CRYBG1: variants seen among roughly 807,000 people sequenced by gnomAD.
CRYBG1 encodes the protein beta/gamma crystallin domain-containing protein 1.
A neutral mutation model predicts 189.2 loss-of-function variants in CRYBG1; 139 were observed. The observed-to-expected ratio is 0.73, with a 90% CI of 0.64 to 0.85. CRYBG1 has a LOEUF of 0.85. CRYBG1 is among the 40% of genes least tolerant of loss of function. The probability of loss-of-function intolerance (pLI) is 0.00; values close to 1 mark genes in which losing one functional copy is unlikely to be tolerated. For synonymous variants in CRYBG1, 1,023 were observed against 1,017.1 expected, an observed-to-expected ratio of 1.01 and a Z score of -0.11; for missense variants, 2,611 against 2,675.8, an observed-to-expected ratio of 0.98 and a Z score of 0.53.
intron 1 of CRYBG1, among the ~76,000 whole-genome samples, chr6:106,414,528 C>T (rs1770986980): frequency 1.3e-5 from 2 of 152,224 alleles, no homozygotes; most frequent in Admixed American, 1.3e-4. Context: ...TGTCCACCTT[C>T]TGTTTGAGAG....
chr6:106,441,831 A>G (rs1771572634), intron 1 of CRYBG1, among the ~76,000 whole-genome samples: 1 of 152,216 alleles, frequency 6.6e-6, no homozygotes, highest in African/African-American at 2.4e-5. Flanking sequence ...TGACAGTTAT[A>G]AAAATTAATG....
intron 8 of CRYBG1, among the ~76,000 whole-genome samples, chr6:106,531,506 C>G (rs2114556751): frequency 6.6e-6 from 1 of 152,214 alleles, no homozygotes; most frequent in East Asian, 1.9e-4. Flanking sequence ...ATGGTTAATA[C>G]AGTTAAAATG....
chr6:106,517,473 C>CATAT (rs982374335), intron 3 of CRYBG1, among the ~76,000 whole-genome samples: 1 of 145,550 alleles, frequency 6.9e-6, no homozygotes, highest in African/African-American at 2.5e-5. Context: ...TACACACACA[C>CATAT]ATATATATAT....
intron 21 of CRYBG1, among the ~76,000 whole-genome samples, chr6:106,566,464 CTTTTTTTTTTT>C (rs34773477): frequency 5.6e-5 from 4 of 71,650 alleles, no homozygotes; most frequent in Non-Finnish European, 6.9e-5. Flanking sequence ...CAACAACAGT[CTTTTTTTTTTT>C]TTTTTTTTTT....
chr6:106,512,075 T>TGTGC lies in CRYBG1; in HGVS notation c.959_962dup (p.Glu322CysfsTer21), dbSNP rs1212045315. 6.5e-7 allele frequency: 1 copy of TGTGC among 1,534,262 alleles called. No homozygotes were observed. The highest frequency in any genetic ancestry group is 8.7e-7 in the Non-Finnish European group (1 of 1,146,198). ...GGCCCCTAACGGAGCCCCCAGTGTG[T>TGTGC]GTGCCGAAGAAGGCTCCCTGGGGCC... On this transcript the variant is annotated frameshift_variant, in exon 3 of 22. Coordinates refer to ENST00000633556, the MANE Select transcript of CRYBG1 (RefSeq NM_001371242.2). LOFTEE classifies it high-confidence loss of function.
intron 15 of CRYBG1, among the ~76,000 whole-genome samples, chr6:106,552,582 CAAAAAAAAAAAAAA>C (rs58470981): frequency 6.8e-4 from 46 of 67,626 alleles, no homozygotes; most frequent in East Asian, 1.8e-3. Flanking sequence ...GACTCTGTCT[CAAAAAAAAAAAAAA>C]AAAAAAAAAA....
At chr6:106,426,741 G>A (rs1346288978) in intron 1 of CRYBG1, among the ~76,000 whole-genome samples, 1 of 152,182 alleles carries the variant, frequency 6.6e-6, no homozygotes, top group Non-Finnish European at 1.5e-5. Flanking sequence ...GAGGAAGAAT[G>A]CACCAGGCAT....
intron 1 of CRYBG1, among the ~76,000 whole-genome samples, chr6:106,430,813 T>G (rs190383318): frequency 7.4e-4 from 112 of 152,232 alleles, no homozygotes; most frequent in African/African-American, 2.6e-3. Context: ...TGCTTCAACA[T>G]GAAGAGCAGC....
intron 1 of CRYBG1, among the ~76,000 whole-genome samples, chr6:106,413,191 A>C (rs1245172795): frequency 6.6e-6 from 1 of 152,160 alleles, no homozygotes; most frequent in Non-Finnish European, 1.5e-5. Context: ...TTTGGGTTAC[A>C]TGTCTGTGCT....
intron 9 of CRYBG1, 129 bp downstream of exon 9, chr6:106,539,658 C>T: frequency 1.0e-6 from 1 of 958,100 alleles, no homozygotes; most frequent in East Asian, 2.9e-5. Context: ...GGACCTATTG[C>T]TCAATAGAAA....
chr6:106,522,397 C>T (rs1773631245), intron 4 of CRYBG1, among the ~76,000 whole-genome samples: 1 of 152,132 alleles, frequency 6.6e-6, no homozygotes, highest in Non-Finnish European at 1.5e-5. Context: ...TTTTGGTTTT[C>T]ATTGGATCTT....
At chr6:106,389,631 C>T (rs1055197522) in intron 1 of CRYBG1, among the ~76,000 whole-genome samples, 10 of 152,020 alleles carry the variant, frequency 6.6e-5, no homozygotes, top group Non-Finnish European at 1.5e-4. Flanking sequence ...ACCTCTGTCT[C>T]ACAGATGAAG....
intron 1 of CRYBG1, among the ~76,000 whole-genome samples, chr6:106,376,225 A>G (rs1770161204): frequency 6.6e-6 from 1 of 152,162 alleles, no homozygotes; most frequent in Non-Finnish European, 1.5e-5. Context: ...TGGCTTTTGT[A>G]TCTCGTTTTG....
At chr6:106,553,139 T>A (rs1337743196) in intron 15 of CRYBG1, among the ~76,000 whole-genome samples, 1 of 152,228 alleles carries the variant, frequency 6.6e-6, no homozygotes, top group Non-Finnish European at 1.5e-5. Flanking sequence ...TCAGAACTGA[T>A]GAACAATGAT....
intron 2 of CRYBG1, among the ~76,000 whole-genome samples, chr6:106,500,179 G>A (rs1412651975): frequency 6.6e-6 from 1 of 152,130 alleles, no homozygotes. Flanking sequence ...TTTTGGGTAT[G>A]TACCCAGAAG....
At position 106,519,433 on chromosome 6, in the gene CRYBG1, T is replaced by G; in HGVS notation, c.2225T>G (p.Val742Gly). 6.2e-7 allele frequency: 1 copy of G among 1,614,016 alleles called. No individual in the cohort carries two copies. Among genetic ancestry groups the G allele is most frequent in the Non-Finnish European group, 8.5e-7 (1 of 1,180,022 alleles). Residue 742 changes from valine to glycine, a missense_variant, in exon 4 of 22, where the codon GTG (valine) becomes GGG (glycine). Val to Gly is a moderately radical substitution (Grantham distance 109). Coordinates refer to ENST00000633556, the MANE Select transcript of CRYBG1 (RefSeq NM_001371242.2). ...ATGCCAAACAGTCCCCAGAATGGTG[T>G]GCTGGTTAAGGAAACTGCTATAGAA... is the stretch of plus-strand genomic sequence containing the variant. Reference protein sequence around the residue: ...KVMPNSPQNGVLVKETAIETK... With the variant: ...KVMPNSPQNGGLVKETAIETK...
At chr6:106,488,743 T>G (rs994189662) in intron 2 of CRYBG1, among the ~76,000 whole-genome samples, 1 of 152,152 alleles carries the variant, frequency 6.6e-6, no homozygotes, top group Non-Finnish European at 1.5e-5. Flanking sequence ...AGGTGCCTCA[T>G]GAATTTTGGC....
Position 106,560,912 on chromosome 6 carries a change from C to T in CRYBG1, c.5965C>T (p.Arg1989Ter), listed in dbSNP as rs764916299. 1.3e-5 allele frequency: 21 copies of T among 1,608,040 alleles called. No homozygotes were observed. The highest frequency in any genetic ancestry group is 4.0e-5 in the African/African-American group (3 of 74,666). The change falls in exon 19 of 22, where the codon CGA becomes TGA. Residue 1989 changes from arginine (R) to a stop codon, truncating the protein, a stop_gained. Coordinates refer to ENST00000633556, the MANE Select transcript of CRYBG1 (RefSeq NM_001371242.2). LOFTEE classifies it high-confidence loss of function. ...TGGCTGTCGCCAAATAGGTTCTCTA[C>T]GACCTTTTGTTCAGGTATTTTCTTC... is the stretch of plus-strand genomic sequence containing the variant. ...FSGCRQIGSL[R>*]PFVQKRIYFR...
Position 106,512,906 on chromosome 6 carries a change from G to A in CRYBG1, c.1789G>A (p.Gly597Ser), listed in dbSNP as rs1301234501. ...KRGPLPNHFN[G>S]RAEGGRSREL... is the part of the protein sequence containing the mutation. ...GGGCCCGCTCCCCAACCACTTCAAC[G>A]GCCGGGCAGAGGGAGGTCGAAGCAG... Residue 597 changes from glycine to serine, a missense_variant, in exon 3 of 22, where the codon GGC becomes AGC. Gly to Ser is a moderately conservative substitution (Grantham distance 56). Transcript: ENST00000633556. The A allele has an allele frequency of 6.2e-7, 1 of 1,604,782 alleles. No individual in the cohort carries two copies. The highest frequency in any genetic ancestry group is 2.2e-5 in the East Asian group (1 of 44,526).
Sources: allele counts gnomAD v4.1 joint callset (sites outside exome capture counted in the v4.1 genomes callset), GRCh38; gene constraint gnomAD v4.1.1; transcripts MANE v1.5; gene names NCBI Gene and HGNC (gene_info 2026-07-23, HGNC 2026-07-21).